Variants in MALRD1 observed in about 807,000 individuals in gnomAD.
MALRD1 encodes the protein MAM and LDL receptor class A domain containing 1.
Under a neutral mutation model 242.1 loss-of-function variants are expected in MALRD1, and 247 were observed. The ratio of observed to expected loss-of-function variants is 1.02; its 90% CI spans 0.92 to 1.13. The LOEUF (loss-of-function observed/expected upper bound fraction) is 1.13. Among genes scored for constraint, MALRD1 ranks in the 50% most tolerant of loss-of-function variants. MALRD1 has a pLI of 0.00. For synonymous variants in MALRD1, 995 were observed against 866.6 expected (o/e 1.15, Z -2.60); for missense variants, 2,989 against 2,533.1 (o/e 1.18, Z -3.86).
At chr10:19,603,594 TA>T (rs1488120753) in intron 34 of MALRD1, among the ~76,000 whole-genome samples, 1 of 152,234 alleles carries the variant, frequency 6.6e-6, no homozygotes, top group East Asian at 1.9e-4. Flanking sequence ...TTGGTTACTA[TA>T]GCCTTGTAGT....
intron 12 of MALRD1, among the ~76,000 whole-genome samples, chr10:19,161,550 C>CAAAAAAAAAAAAAAAA: frequency 9.9e-5 from 6 of 60,836 alleles, no homozygotes; most frequent in African/African-American, 1.4e-4. Flanking sequence ...AAAAAAAAAG[C>CAAAAAAAAAAAAAAAA]AAAAAAAAAA....
At chr10:19,388,180 C>T (rs938511302) in intron 27 of MALRD1, among the ~76,000 whole-genome samples, 10 of 152,126 alleles carry the variant, frequency 6.6e-5, no homozygotes, top group African/African-American at 2.4e-4. Flanking sequence ...GGCCCATATT[C>T]CCTGTTTCAT....
At chr10:19,206,255 C>T (rs900420428) in intron 17 of MALRD1, among the ~76,000 whole-genome samples, 9 of 151,918 alleles carry the variant, frequency 5.9e-5, no homozygotes, top group African/African-American at 1.9e-4. Flanking sequence ...AGAGTTTTGC[C>T]TATGTGTAAT....
At position 19,450,256 on chromosome 10, in the gene MALRD1, A is replaced by G. The variant is rs766351804; in HGVS notation, c.4846-51A>G. 188 of 1,474,402 alleles carry G rather than the reference A, an allele frequency of 1.3e-4. 2 individuals are homozygous for G. Among genetic ancestry groups the G allele is most frequent in the Non-Finnish European group, 1.7e-4 (181 of 1,095,438 alleles). 91.3% of individuals were successfully genotyped at this position (1,474,402 alleles called of 1,614,324 possible). On this transcript the variant is annotated intron_variant, in intron 28 of 39. Coordinates refer to ENST00000454679, the MANE Select transcript of MALRD1 (RefSeq NM_001142308.3). ...ACTGGGTTTTGCCCCACACTGCATC[A>G]TCTTCTTTTGTGTTTGATTATTTCC...
Position 19,066,747 on chromosome 10 carries a change from G to C in MALRD1, c.228G>C (p.Glu76Asp). 8.1e-7 allele frequency: 1 copy of C among 1,233,646 alleles called. No individual in the cohort carries two copies. The highest frequency in any genetic ancestry group is 3.2e-5 in the East Asian group (1 of 31,674). The allele number at this position is 1,233,646 out of a possible 1,614,324, so 76.4% of individuals were successfully genotyped here. A position where few individuals can be genotyped will look rare whatever the true frequency, so the allele number is the denominator to read the frequency against. ...TGAATTATGAAAGATGTGATTTTGA[G>C]GATGGTCTCTGTCATATGACTCAAG... The part of the protein sequence containing the change: ...HCLNYERCDF[E>D]DGLCHMTQDQ... Residue 76 changes from glutamate (E) to aspartate (D), a missense_variant, in exon 2 of 40, where the codon GAG becomes GAC. Glu to Asp is a conservative substitution (Grantham distance 45). Transcript: ENST00000454679.
At chr10:19,666,609 C>T in intron 36 of MALRD1, among the ~76,000 whole-genome samples, 1 of 152,080 alleles carries the variant, frequency 6.6e-6, no homozygotes, top group East Asian at 1.9e-4. Flanking sequence ...TTGCCAATTT[C>T]TTTTTACTTT....
At position 19,389,601 on chromosome 10, in the gene MALRD1, C is replaced by G; in HGVS notation, c.4837C>G (p.Leu1613Val). 6.5e-7 allele frequency: 1 copy of G among 1,549,880 alleles called. No homozygotes were observed. Among genetic ancestry groups the G allele is most frequent in the Non-Finnish European group, 8.7e-7 (1 of 1,146,634 alleles). The part of the protein sequence containing the change: ...SAKATGSIQI[L>V]IKTEKGLSKV... ...AAAGGCCACAGGATCCATTCAGATT[C>G]TCATCAAGGTAGGAACATGGCCTGT... Residue 1613 changes from leucine to valine, a missense_variant, in exon 28 of 40, where the codon CTC becomes GTC. Transcript: ENST00000454679.
chr10:19,164,828 A>C (rs1398519711), intron 12 of MALRD1, among the ~76,000 whole-genome samples: 2 of 152,080 alleles, frequency 1.3e-5, no homozygotes, highest in African/African-American at 2.4e-5. Flanking sequence ...TCAAACCTTT[A>C]GATTGTGTCA....
intron 2 of MALRD1, among the ~76,000 whole-genome samples, chr10:19,075,238 C>T (rs1177720021): frequency 1.3e-5 from 2 of 151,956 alleles, no homozygotes; most frequent in Non-Finnish European, 2.9e-5. Context: ...ATAAAATCTG[C>T]CCCCGTCCCC....
At chr10:19,196,841 C>T (rs983848234) in intron 14 of MALRD1, among the ~76,000 whole-genome samples, 2 of 152,168 alleles carry the variant, frequency 1.3e-5, no homozygotes, top group Non-Finnish European at 2.9e-5. Context: ...CTGTTTTTCT[C>T]ATACTACACC....
rs374483152 is a variant in MALRD1, at chr10:19,668,308, C to A, written c.6138-23974C>A. On this transcript the variant is annotated intron_variant, in intron 36 of 39. Coordinates refer to ENST00000454679, the MANE Select transcript of MALRD1 (RefSeq NM_001142308.3). The stretch of plus-strand genomic sequence containing the variant: ...CACAGAGTGAAAGATGGAAGTATTT[C>A]TCAATGGGGAGGCAAAATGACACCA... Among the ~76,000 whole-genome samples the A allele has an allele frequency of 2.2e-4, 34 of 152,254 alleles. 1 individual carries two copies. The highest frequency in any genetic ancestry group is 7.5e-4 in the African/African-American group (31 of 41,550).
At position 19,567,605 on chromosome 10, in the gene MALRD1, G is replaced by C; in HGVS notation, c.5582G>C (p.Ser1861Thr). Residue 1861 changes from serine (S) to threonine (T), a missense_variant, in exon 33 of 40, where the codon AGT becomes ACT. By Grantham distance (58) the Ser-to-Thr change is moderately conservative (BLOSUM62 1). Transcript: ENST00000454679. ...GGCTCTGTGCCTCTCTCCAGTAACAGTCCGTTTAAGGTGGCATTTGAAGCT... is the reference window on the plus strand; with the variant it reads ...GGCTCTGTGCCTCTCTCCAGTAACACTCCGTTTAAGGTGGCATTTGAAGCT... Reference protein sequence around the residue: ...TYGSVPLSSNSPFKVAFEADL... With the variant: ...TYGSVPLSSNTPFKVAFEADL... 7 of 1,550,644 alleles carry C rather than the reference G, an allele frequency of 4.5e-6. No individual in the cohort carries two copies. The highest frequency in any genetic ancestry group is 6.1e-6 in the Non-Finnish European group (7 of 1,146,988).
Position 19,078,511 on chromosome 10 carries a change from T to A in MALRD1, c.341-9329T>A, listed in dbSNP as rs532577686. 3.9e-5 allele frequency among the ~76,000 whole-genome samples: 6 copies of A among 152,074 alleles called. No homozygotes were observed. The South Asian group carries it at 1.2e-3, about 31-fold the overall frequency. On this transcript the variant is annotated intron_variant, in intron 2 of 39. Coordinates refer to ENST00000454679, the MANE Select transcript of MALRD1 (RefSeq NM_001142308.3). Reference sequence around the variant, plus strand: ...TTCTTGTGATGTCTTTGTCTGGTTTTGGTTTATTAAGGTAATCGTGGCCTT... The same window carrying A: ...TTCTTGTGATGTCTTTGTCTGGTTTAGGTTTATTAAGGTAATCGTGGCCTT...
chr10:19,300,496 G>T (rs902532277), intron 21 of MALRD1, among the ~76,000 whole-genome samples: 19 of 151,886 alleles, frequency 1.3e-4, no homozygotes, highest in African/African-American at 4.6e-4. Context: ...GAATAGTGCT[G>T]TGACAAAAAT....
At chr10:19,674,869 T>C (rs974080815) in intron 36 of MALRD1, among the ~76,000 whole-genome samples, 1 of 151,892 alleles carries the variant, frequency 6.6e-6, no homozygotes, top group African/African-American at 2.4e-5. Context: ...CTTTTTTTTT[T>C]CTATCCAGCT....
intron 28 of MALRD1, among the ~76,000 whole-genome samples, chr10:19,398,321 G>A (rs1047558481): frequency 4.6e-5 from 7 of 152,232 alleles, no homozygotes; most frequent in African/African-American, 1.7e-4. Flanking sequence ...GGTTAGGAAA[G>A]AATGAATTAG....
intron 5 of MALRD1, among the ~76,000 whole-genome samples, chr10:19,111,064 C>T (rs971025377): frequency 6.6e-5 from 10 of 152,136 alleles, no homozygotes; most frequent in Admixed American, 5.9e-4. Flanking sequence ...AAATTTCTCT[C>T]TATCTTTGTC....
chr10:19,102,017 T>C (rs968529947), intron 4 of MALRD1, among the ~76,000 whole-genome samples: 4 of 141,172 alleles, frequency 2.8e-5, no homozygotes, highest in Non-Finnish European at 4.5e-5. Flanking sequence ...TATATTATAA[T>C]GTTTTAATTA....
intron 21 of MALRD1, among the ~76,000 whole-genome samples, chr10:19,296,328 A>G (rs1056034767): frequency 2.6e-5 from 4 of 151,782 alleles, no homozygotes; most frequent in Non-Finnish European, 5.9e-5. Context: ...TAGTGTTTTT[A>G]TTTATTAATA....
Sources: allele counts gnomAD v4.1 joint callset (sites outside exome capture counted in the v4.1 genomes callset), GRCh38; gene constraint gnomAD v4.1.1; transcripts MANE v1.5; gene names NCBI Gene and HGNC (gene_info 2026-07-23, HGNC 2026-07-21).